Variants in CUX1 observed in about 807,000 individuals in gnomAD.
CUX1 encodes the protein cut like homeobox 1.
A neutral mutation model predicts 158.8 loss-of-function variants in CUX1; 31 were observed. The ratio of observed to expected loss-of-function variants is 0.20; its 90% CI spans 0.15 to 0.26. The LOEUF is 0.26. CUX1 is among the 10% of genes least tolerant of loss of function. The pLI is 1.00. For missense variants in CUX1, 1,589 were observed against 2,014.6 expected (o/e 0.79, Z 4.04); for synonymous variants, 879 against 862.1 (o/e 1.02, Z -0.34).
intron 15 of CUX1, chr7:102,273,581 T>C: frequency 2.7e-6 from 4 of 1,493,778 alleles, no homozygotes; most frequent in African/African-American, 1.4e-5. Context: ...GATTAGCCTG[T>C]GTATCAGGCA....
chr7:101,889,449 A>G (rs114915181), intron 1 of CUX1, among the ~76,000 whole-genome samples: 3,616 of 152,188 alleles, frequency 0.024, 132 homozygotes, highest in African/African-American at 0.079. Context: ...TGGCCTTGAG[A>G]AAAGTAAACC....
chr7:101,821,577 A>G (rs1376567136), intron 1 of CUX1, among the ~76,000 whole-genome samples: 1 of 148,002 alleles, frequency 6.8e-6, no homozygotes. Flanking sequence ...TCACTTAGTG[A>G]TCCGCCCGCC....
chr7:102,011,221 G>T (rs1165080367), intron 2 of CUX1, among the ~76,000 whole-genome samples: 1 of 151,922 alleles, frequency 6.6e-6, no homozygotes, highest in Admixed American at 6.6e-5. Flanking sequence ...CCAAGGATTT[G>T]GTGTGAGTCT....
intron 14 of CUX1, among the ~76,000 whole-genome samples, chr7:102,272,500 T>G (rs1791289568): frequency 6.6e-6 from 1 of 152,170 alleles, no homozygotes; most frequent in South Asian, 2.1e-4. Context: ...CTAAACAAGG[T>G]TTATTGTTAC....
intron 1 of CUX1, chr7:101,913,414 C>A (rs1264445810): frequency 2.4e-6 from 3 of 1,258,764 alleles, no homozygotes; most frequent in Non-Finnish European, 3.1e-6. Flanking sequence ...CGCAGGCGCA[C>A]TGGCTCTGCA....
At chr7:102,280,101 TCTC>T (rs782757354) in exon 19 of CUX1, 7 of 1,609,814 alleles carry the variant, frequency 4.3e-6, no homozygotes, top group Middle Eastern at 1.7e-4. Context: ...CTGGACCCCT[TCTC>T]CTCCTTCAGC....
intron 1 of CUX1, among the ~76,000 whole-genome samples, chr7:101,867,082 G>A (rs190314035): frequency 4.6e-5 from 7 of 152,270 alleles, no homozygotes; most frequent in East Asian, 1.9e-4. Context: ...CTAGCCGGGC[G>A]TGGTGGTGCC....
At chr7:102,135,118 A>T (rs1438003231) in intron 8 of CUX1, among the ~76,000 whole-genome samples, 1 of 152,162 alleles carries the variant, frequency 6.6e-6, no homozygotes, top group African/African-American at 2.4e-5. Context: ...GGTTAGAGGC[A>T]CTGACCCCCG....
intron 2 of CUX1, among the ~76,000 whole-genome samples, chr7:101,921,429 G>GTTTTA (rs1035287463): frequency 4.0e-5 from 6 of 149,430 alleles, no homozygotes; most frequent in East Asian, 4.1e-4. Context: ...GAATTTCTAT[G>GTTTTA]TTTTATTTTA....
intron 9 of CUX1, among the ~76,000 whole-genome samples, chr7:102,162,413 A>G (rs923731714): frequency 6.6e-6 from 1 of 152,012 alleles, no homozygotes; most frequent in Non-Finnish European, 1.5e-5. Flanking sequence ...AGCTGGGACT[A>G]TGGGCATATG....
intron 2 of CUX1, among the ~76,000 whole-genome samples, chr7:101,955,091 G>A (rs1809592877): frequency 6.6e-6 from 1 of 152,006 alleles, no homozygotes; most frequent in African/African-American, 2.4e-5. Flanking sequence ...CTTGAACCCT[G>A]GTGGCGGAGG....
At chr7:102,222,811 CTTTTTTTTTT>C (rs71123016) in intron 20 of CUX1, among the ~76,000 whole-genome samples, 7 of 25,526 alleles carry the variant, frequency 2.7e-4, no homozygotes, top group East Asian at 1.9e-3. Context: ...GGCACCGTAT[CTTTTTTTTTT>C]TTTTTTTTTT....
At chr7:101,930,393 C>G (rs1313333074) in intron 2 of CUX1, among the ~76,000 whole-genome samples, 1 of 152,196 alleles carries the variant, frequency 6.6e-6, no homozygotes, top group Non-Finnish European at 1.5e-5. Flanking sequence ...ATCTCCCCTT[C>G]CACTTTGAGA....
chr7:102,042,037 TGTGA>T (rs1428776269), intron 3 of CUX1, among the ~76,000 whole-genome samples: 10 of 150,158 alleles, frequency 6.7e-5, no homozygotes, highest in South Asian at 2.1e-4. Flanking sequence ...TGTGTGTGAG[TGTGA>T]GTGAGTGTGT....
At chr7:102,097,584 T>C (rs1554484764) in intron 5 of CUX1, 83 bp downstream of exon 5, 7 of 1,398,332 alleles carry the variant, frequency 5.0e-6, no homozygotes, top group Admixed American at 2.4e-5. Flanking sequence ...TCCCATACTT[T>C]TGAGACCAGC....
chr7:102,108,864 C>T (rs1341298274), intron 6 of CUX1, among the ~76,000 whole-genome samples: 1 of 151,962 alleles, frequency 6.6e-6, no homozygotes, highest in African/African-American at 2.4e-5. Context: ...AAGCAATTCT[C>T]CTGCTTCAGC....
chr7:102,278,173 T>G, intron 18 of CUX1: 2 of 716,562 alleles, frequency 2.8e-6, no homozygotes, highest in Non-Finnish European at 4.5e-6. Flanking sequence ...TGGGCAGCAC[T>G]GGGCCCCAGA....
At chr7:102,102,600 A>G (rs1351510034) in intron 5 of CUX1, among the ~76,000 whole-genome samples, 1 of 152,054 alleles carries the variant, frequency 6.6e-6, no homozygotes, top group Non-Finnish European at 1.5e-5. Flanking sequence ...AGGGAGCTCC[A>G]TTGCCACAAG....
intron 17 of CUX1, chr7:102,277,811 G>A (rs1199363269): frequency 6.3e-6 from 3 of 473,846 alleles, no homozygotes; most frequent in Non-Finnish European, 7.5e-6. Context: ...GCCACAGTGG[G>A]GGAAGGGGCA....
Sources: allele counts gnomAD v4.1 joint callset (sites outside exome capture counted in the v4.1 genomes callset), GRCh38; gene constraint gnomAD v4.1.1; transcripts MANE v1.5; gene names NCBI Gene and HGNC (gene_info 2026-07-23, HGNC 2026-07-21).